Variants in CDC40 observed in about 807,000 individuals in gnomAD.
CDC40 encodes the protein pre-mRNA-processing factor 17.
CDC40 carries 27 observed loss-of-function variants against 80.6 expected under a neutral mutation model. That is an observed-to-expected ratio of 0.33 (90% CI 0.25 to 0.46). CDC40 has a LOEUF of 0.46. CDC40 is among the 20% of genes least tolerant of loss of function. The pLI is 1.00. For missense variants in CDC40, 486 were observed against 694.1 expected (o/e 0.70, Z 3.37); for synonymous variants, 221 against 232.6 (o/e 0.95, Z 0.45).
At chr6:110,225,142 G>T (rs1777834824) in intron 12 of CDC40, among the ~76,000 whole-genome samples, 1 of 152,154 alleles carries the variant, frequency 6.6e-6, no homozygotes, top group African/African-American at 2.4e-5. Flanking sequence ...CCTTCTGCTG[G>T]ATGGATGGAT....
intron 1 of CDC40, among the ~76,000 whole-genome samples, chr6:110,180,870 G>C (rs1777176790): frequency 6.6e-6 from 1 of 152,210 alleles, no homozygotes; most frequent in Non-Finnish European, 1.5e-5. Flanking sequence ...TGGAAGGAGG[G>C]GATGAAATTT....
chr6:110,180,557 T>C lies in CDC40; in HGVS notation c.113T>C (p.Met38Thr), dbSNP rs771033625. The C allele has an allele frequency of 1.4e-5, 22 of 1,614,202 alleles. No homozygotes were observed. In the South Asian group the frequency reaches 2.3e-4, roughly 17 times the overall value. Residue 38 changes from methionine to threonine, a missense_variant, in exon 1 of 15, where the codon ATG becomes ACG. Physicochemically the swap from Met to Thr is moderately conservative, Grantham distance 81. Transcript: ENST00000307731. ...RCPLPAADSL[M>T]HLTKSPSSKP... The stretch of plus-strand genomic sequence containing the variant: ...CCGCTGCCAGCCGCCGACTCCCTCA[T>C]GCACTTGACTAAATCGCCTTCATCA...
intron 4 of CDC40, 21 bp from the exon 5 acceptor site, chr6:110,209,063 A>ATTTTTTTTTTTTT: frequency 8.0e-7 from 1 of 1,247,398 alleles, no homozygotes. Context: ...TTTTTTTTTA[A>ATTTTTTTTTTTTT]TTTTTTTTTT....
chr6:110,187,874 A>C (rs1160948505), intron 1 of CDC40, among the ~76,000 whole-genome samples: 1 of 152,208 alleles, frequency 6.6e-6, no homozygotes, highest in Non-Finnish European at 1.5e-5. Flanking sequence ...AATAGAAATA[A>C]TTTGTTATTC....
intron 10 of CDC40, among the ~76,000 whole-genome samples, 176 bp downstream of exon 10, chr6:110,217,979 C>T (rs1027861905): frequency 6.6e-6 from 1 of 152,230 alleles, no homozygotes; most frequent in Non-Finnish European, 1.5e-5. Flanking sequence ...ATGAGTAGCT[C>T]TTTCACTGTG....
chr6:110,180,657 A>G (rs960691874), intron 1 of CDC40, 24 bp downstream of exon 1: 4 of 1,574,238 alleles, frequency 2.5e-6, no homozygotes, highest in Non-Finnish European at 3.5e-6. Context: ...CTACTAATGC[A>G]GTGTGGGAAT....
chr6:110,181,544 T>G lies in CDC40; in HGVS notation c.189+911T>G, dbSNP rs1426000058. ...GACTTAAGAAGTGTTTTACAGGTTT[T>G]TAACAAGCTGTATGTGAATTTTACT... On this transcript the variant is annotated intron_variant, in intron 1 of 14. Coordinates refer to ENST00000307731, the MANE Select transcript of CDC40 (RefSeq NM_015891.3). Among the ~76,000 whole-genome samples the G allele has an allele frequency of 2.6e-5, 4 of 152,234 alleles. No homozygotes were observed. The East Asian group carries it at 5.8e-4, about 22-fold the overall frequency.
In CDC40 at chr6:110,231,545, A is replaced by G. The variant is rs1383810448; in HGVS notation, c.*1414A>G. ...CCTCTTGAATGTAATAGCTCATAGC[A>G]CTTTAATTTGGCAAGCCATTTTTCC... On this transcript the variant is annotated 3_prime_UTR_variant, in exon 15 of 15. Transcript: ENST00000307731. 1.3e-5 allele frequency: 2 copies of G among 152,270 alleles called. No homozygotes were observed. The highest frequency in any genetic ancestry group is 4.8e-5 in the African/African-American group (2 of 41,480). 9.4% of individuals were successfully genotyped at this position (152,270 alleles called of 1,614,324 possible). A position where few individuals can be genotyped will look rare whatever the true frequency, so the allele number is the denominator to read the frequency against.
chr6:110,191,204 G>C (rs1777345130), intron 1 of CDC40, among the ~76,000 whole-genome samples: 1 of 152,108 alleles, frequency 6.6e-6, no homozygotes, highest in Admixed American at 6.6e-5. Flanking sequence ...TATTTTTCTT[G>C]TTGGTTTTTT....
At chr6:110,223,362 A>C (rs149326602) in intron 12 of CDC40, among the ~76,000 whole-genome samples, 35 of 152,296 alleles carry the variant, frequency 2.3e-4, no homozygotes, top group African/African-American at 7.5e-4. Context: ...GGTTAGATGA[A>C]TGAGGGGACT....
At chr6:110,195,125 A>G (rs1283968488) in intron 2 of CDC40, among the ~76,000 whole-genome samples, 1 of 152,172 alleles carries the variant, frequency 6.6e-6, no homozygotes, top group Admixed American at 6.5e-5. Context: ...TAACTTATCA[A>G]ATTTTGAACT....
In CDC40 at chr6:110,213,176, CAG is replaced by C; in HGVS notation, c.942+19_942+20del. ...TAAAATTAAGGTGAGTTTTCAGTAACAGAGTAGGAGTGCTGCAAAGCTAGTTC... is the reference window on the plus strand; with the variant it reads ...TAAAATTAAGGTGAGTTTTCAGTAACAGTAGGAGTGCTGCAAAGCTAGTTC... On this transcript the variant is annotated intron_variant, in intron 8 of 14. Coordinates refer to ENST00000307731, the MANE Select transcript of CDC40 (RefSeq NM_015891.3). 1 of 1,479,694 alleles carries C rather than the reference CAG, an allele frequency of 6.8e-7. No homozygotes were observed. Among genetic ancestry groups the C allele is most frequent in the Non-Finnish European group, 9.5e-7 (1 of 1,057,490 alleles). 91.7% of individuals were successfully genotyped at this position (1,479,694 alleles called of 1,614,324 possible). A position where few individuals can be genotyped will look rare whatever the true frequency, so the allele number is the denominator to read the frequency against.
chr6:110,209,096 T>C lies in CDC40; in HGVS notation c.503T>C (p.Phe168Ser), dbSNP rs781639349. The C allele has an allele frequency of 5.1e-6, 8 of 1,572,042 alleles. No homozygotes were observed. The highest frequency in any genetic ancestry group is 2.6e-6 in the Non-Finnish European group (3 of 1,144,050). ...EAEKNQGLTV[F>S]ETGQKKTEKR... ...TTTGTTAACGTAGGTTTAACTGTAT[T>C]TGAAACTGGTCAGAAGAAAACAGAA... Residue 168 changes from phenylalanine to serine, a missense_variant, in exon 5 of 15, where the codon TTT becomes TCT. Phe to Ser is a radical substitution (Grantham distance 155). Around this residue, in one of 3 missense-constraint regions of CDC40, gnomAD observed 381 missense variants for 492.1 expected, o/e 0.77. Coordinates refer to ENST00000307731, the MANE Select transcript of CDC40 (RefSeq NM_015891.3).
intron 13 of CDC40, among the ~76,000 whole-genome samples, chr6:110,227,835 G>A (rs1386894285): frequency 6.6e-6 from 1 of 152,176 alleles, no homozygotes; most frequent in East Asian, 1.9e-4. Flanking sequence ...TTATATAAGG[G>A]ACTTGAGCAT....
chr6:110,230,171 CATTGT>C lies in CDC40; in HGVS notation c.*41_*45del. 3 of 1,242,326 alleles carry C rather than the reference CATTGT, an allele frequency of 2.4e-6. No individual in the cohort carries two copies. Among genetic ancestry groups the C allele is most frequent in the Non-Finnish European group, 3.5e-6 (3 of 860,374 alleles). 77.0% of individuals were successfully genotyped at this position (1,242,326 alleles called of 1,614,324 possible). On this transcript the variant is annotated 3_prime_UTR_variant, in exon 15 of 15. Coordinates refer to ENST00000307731, the MANE Select transcript of CDC40 (RefSeq NM_015891.3). ...AAACTAGCTGGGATCATTTTTGATC[CATTGT>C]CATATTTATATTTAATTATTAAATG...
Position 110,209,153 on chromosome 6 carries a change from C to A in CDC40, c.560C>A (p.Ser187Tyr), listed in dbSNP as rs748667971. 6.2e-7 allele frequency: 1 copy of A among 1,605,868 alleles called. No individual in the cohort carries two copies. The highest frequency in any genetic ancestry group is 8.5e-7 in the Non-Finnish European group (1 of 1,173,200). Reference protein sequence around the residue: ...KRKKFKENDASNIDGFLGPWA... With the variant: ...KRKKFKENDAYNIDGFLGPWA... ...AAAAAGTTTAAAGAAAATGATGCATCCAATATTGATGGTTTTTTGGGACCA... is the reference window on the plus strand; with the variant it reads ...AAAAAGTTTAAAGAAAATGATGCATACAATATTGATGGTTTTTTGGGACCA... The change falls in exon 5 of 15, where the codon TCC becomes TAC. Residue 187 changes from serine to tyrosine, a missense_variant. Ser to Tyr is a moderately radical substitution (Grantham distance 144). This residue lies in a region of CDC40 where 381 missense variants were observed against 492.1 expected (regional missense o/e 0.77). Transcript: ENST00000307731.
intron 5 of CDC40, 91 bp downstream of exon 5, chr6:110,209,314 G>C: frequency 8.5e-7 from 1 of 1,171,482 alleles, no homozygotes; most frequent in Non-Finnish European, 1.2e-6. Flanking sequence ...TTTCTTTAGA[G>C]AACCAAATGA....
At chr6:110,181,110 A>C (rs567631617) in intron 1 of CDC40, among the ~76,000 whole-genome samples, 1 of 152,354 alleles carries the variant, frequency 6.6e-6, no homozygotes, top group Non-Finnish European at 1.5e-5. Context: ...TTTTCAAAAC[A>C]TCTGTCTACA....
In CDC40 at chr6:110,192,600, C is replaced by T. The variant is rs193004167; in HGVS notation, c.190-582C>T. On this transcript the variant is annotated intron_variant, in intron 1 of 14. Transcript: ENST00000307731. ...CTAAAGATACCAATTTGAGAATTATCGTATTTGTAAGTGGTGGAGTTATAC... is the reference window on the plus strand; with the variant it reads ...CTAAAGATACCAATTTGAGAATTATTGTATTTGTAAGTGGTGGAGTTATAC... 2.0e-3 allele frequency among the ~76,000 whole-genome samples: 307 copies of T among 152,264 alleles called. 2 individuals carry two copies. The highest frequency in any genetic ancestry group is 7.1e-3 in the African/African-American group (294 of 41,562).
Sources: allele counts gnomAD v4.1 joint callset (sites outside exome capture counted in the v4.1 genomes callset), GRCh38; gene constraint gnomAD v4.1.1; regional missense constraint gnomAD v4.1.1; transcripts MANE v1.5; gene names NCBI Gene and HGNC (gene_info 2026-07-23, HGNC 2026-07-21).